Variants in FYTTD1 observed in about 807,000 individuals in gnomAD.
The protein encoded by FYTTD1 is UAP56-interacting factor.
A neutral mutation model predicts 40.9 loss-of-function variants in FYTTD1; 22 were observed. The observed-to-expected ratio is 0.54, with a 90% confidence interval of 0.38 to 0.77. The LOEUF is 0.77. FYTTD1 is among the 30% of genes least tolerant of loss of function. The probability of loss-of-function intolerance (pLI) is 0.00; values close to 1 mark genes in which losing one functional copy is unlikely to be tolerated. For synonymous variants in FYTTD1, 140 were observed against 137.9 expected, an observed-to-expected ratio of 1.01 and a Z score of -0.10; for missense variants, 351 against 392.2, an observed-to-expected ratio of 0.90 and a Z score of 0.89.
Position 197,761,382 on chromosome 3 carries a change from A to G in FYTTD1, c.235+4825A>G, listed in dbSNP as rs376821572. Among the ~76,000 whole-genome samples the G allele has an allele frequency of 1.3e-5, 2 of 151,828 alleles. 1 individual carries two copies. Among genetic ancestry groups the G allele is most frequent in the South Asian group, 4.2e-4 (2 of 4,816 alleles). On this transcript the variant is annotated intron_variant, in intron 2 of 8. Coordinates refer to ENST00000241502, the MANE Select transcript of FYTTD1 (RefSeq NM_032288.7). ...ATGTATAGAATTGTTCTTCAGTGGT[A>G]GAATGTATAGAATTGTTCTTCAGTG...
Position 197,768,507 on chromosome 3 carries a change from A to G in FYTTD1, c.304A>G (p.Ile102Val). The change falls in exon 3 of 9, where the codon ATC becomes GTC. Residue 102 changes from isoleucine (I) to valine (V), a missense_variant. Coordinates refer to ENST00000241502, the MANE Select transcript of FYTTD1 (RefSeq NM_032288.7). ...TGGAAAGAGACGTCCTAATGGAGTT[A>G]TCACTGGCCTTGCAGCTAGGAAAAC... ...MPGKRRPNGV[I>V]TGLAARKTTG... The G allele has an allele frequency of 6.2e-7, 1 of 1,613,402 alleles. No homozygotes were observed. Among genetic ancestry groups the G allele is most frequent in the Middle Eastern group, 1.7e-4 (1 of 6,060 alleles).
chr3:197,758,308 ATATT>A (rs1321120184), intron 2 of FYTTD1, among the ~76,000 whole-genome samples: 1 of 152,150 alleles, frequency 6.6e-6, no homozygotes, highest in Non-Finnish European at 1.5e-5. Flanking sequence ...AACCAGAAAT[ATATT>A]TATTAATTAA....
chr3:197,778,374 T>A lies in FYTTD1; in HGVS notation c.768T>A (p.Pro256=), dbSNP rs982690649. 1.9e-6 allele frequency: 3 copies of A among 1,612,070 alleles called. No individual in the cohort carries two copies. Among genetic ancestry groups the A allele is most frequent in the Non-Finnish European group, 8.5e-7 (1 of 1,178,422 alleles). ...QKPRLTRTAV[P]SFLTKREQSD... is the part of the protein sequence containing the mutation. ...CACGATTAACTCGTACTGCTGTACCTTCATTTTTAACAAAGCGGGAGCAAA... is the reference window on the plus strand; with the variant it reads ...CACGATTAACTCGTACTGCTGTACCATCATTTTTAACAAAGCGGGAGCAAA... Residue 256 remains proline (P), a synonymous_variant, in exon 8 of 9, where the codon CCT becomes CCA. Coordinates refer to ENST00000241502, the MANE Select transcript of FYTTD1 (RefSeq NM_032288.7).
At chr3:197,763,368 C>T (rs9818429) in intron 2 of FYTTD1, 439 of 286,614 alleles carry the variant, frequency 1.5e-3, no homozygotes, top group Non-Finnish European at 2.4e-3. Flanking sequence ...GAGCCGAGAT[C>T]GCACCATTGC....
At chr3:197,763,499 A>G in intron 2 of FYTTD1, 1 of 451,738 alleles carries the variant, frequency 2.2e-6, no homozygotes, top group South Asian at 1.6e-5. Context: ...ATTGTTAAGC[A>G]TATGAAGAGG....
rs1730049934 is a variant in FYTTD1, at chr3:197,782,299, G to GAGTA, written c.*391_*394dup. On this transcript the variant is annotated 3_prime_UTR_variant, in exon 9 of 9. Coordinates refer to ENST00000241502, the MANE Select transcript of FYTTD1 (RefSeq NM_032288.7). ...GGTAAATCCTGGTCTTCATAAACAT[G>GAGTA]AGTAGGTCCCTTGGTTGCTGTCACT... 1 of 154,000 alleles carries GAGTA rather than the reference G, an allele frequency of 6.5e-6. No homozygotes were observed. The highest frequency in any genetic ancestry group is 1.4e-5 in the Non-Finnish European group (1 of 69,318). The allele number at this position is 154,000 out of a possible 1,614,324, so 9.5% of individuals were successfully genotyped here.
intron 2 of FYTTD1, among the ~76,000 whole-genome samples, chr3:197,764,591 C>A (rs1413875092): frequency 6.6e-6 from 1 of 151,582 alleles, no homozygotes; most frequent in East Asian, 2.0e-4. Flanking sequence ...CGCCTGTAGT[C>A]CCAGCTACTC....
intron 3 of FYTTD1, among the ~76,000 whole-genome samples, chr3:197,769,518 A>G (rs770795050): frequency 3.0e-4 from 46 of 152,352 alleles, no homozygotes; most frequent in Admixed American, 6.5e-4. Flanking sequence ...GTCTTTATGG[A>G]CAATATGGAT....
chr3:197,770,260 T>C lies in FYTTD1; in HGVS notation c.497+16T>C. The C allele has an allele frequency of 6.9e-7, 1 of 1,443,104 alleles. No homozygotes were observed. Among genetic ancestry groups the C allele is most frequent in the Non-Finnish European group, 9.7e-7 (1 of 1,032,926 alleles). The allele number at this position is 1,443,104 out of a possible 1,614,324, so 89.4% of individuals were successfully genotyped here. On this transcript the variant is annotated intron_variant, in intron 4 of 8. Transcript: ENST00000241502. ...TAAGCAGAAAGTAAGTGCTCAAAAA[T>C]AATAATGTGTTATTTTGCATTAAAA...
intron 2 of FYTTD1, among the ~76,000 whole-genome samples, chr3:197,757,197 A>G (rs749353378): frequency 6.6e-6 from 1 of 152,236 alleles, no homozygotes; most frequent in Non-Finnish European, 1.5e-5. Context: ...AACTCTACAC[A>G]TTTAGTTATT....
intron 6 of FYTTD1, 54 bp downstream of exon 6, chr3:197,774,264 C>G (rs1729806619): frequency 1.4e-6 from 2 of 1,380,492 alleles, no homozygotes; most frequent in Non-Finnish European, 2.1e-6. Context: ...AGAATACTAA[C>G]TACCCAAATT....
chr3:197,774,091 T>C, intron 5 of FYTTD1, 58 bp from the exon 6 acceptor site: 3 of 1,434,788 alleles, frequency 2.1e-6, no homozygotes, highest in Non-Finnish European at 2.0e-6. Context: ...GCAGGATCGC[T>C]CTTTGGATTC....
intron 1 of FYTTD1, among the ~76,000 whole-genome samples, chr3:197,750,999 G>A (rs1729016762): frequency 6.6e-6 from 1 of 152,232 alleles, no homozygotes; most frequent in Non-Finnish European, 1.5e-5. Flanking sequence ...GGATTCAAGT[G>A]ATGGCGTTGG....
intron 4 of FYTTD1, among the ~76,000 whole-genome samples, chr3:197,771,214 T>C (rs1362339415): frequency 6.6e-6 from 1 of 152,006 alleles, no homozygotes; most frequent in Non-Finnish European, 1.5e-5. Context: ...AAAAGAAAAA[T>C]TATGATCTGT....
intron 1 of FYTTD1, among the ~76,000 whole-genome samples, chr3:197,755,321 A>G (rs1327574370): frequency 6.6e-6 from 1 of 152,178 alleles, no homozygotes; most frequent in Non-Finnish European, 1.5e-5. Flanking sequence ...TTACAGCACA[A>G]CCTGACACAT....
chr3:197,770,619 C>G (rs1297589948), intron 4 of FYTTD1, among the ~76,000 whole-genome samples: 2 of 152,098 alleles, frequency 1.3e-5, no homozygotes, highest in East Asian at 3.9e-4. Context: ...CATCACTGCT[C>G]CCTGGAGCCT....
rs778589693 is a variant in FYTTD1, at chr3:197,756,473, C to T, written c.151C>T (p.Pro51Ser). ...AAAGGAAGGGAAGAAGCAGAATTTTCCAAGACTAAATAGAAGACTCCTCCA... is the reference window on the plus strand; with the variant it reads ...AAAGGAAGGGAAGAAGCAGAATTTTTCAAGACTAAATAGAAGACTCCTCCA... ...NRKEGKKQNF[P>S]RLNRRLLQQS... is the part of the protein sequence containing the mutation. Residue 51 changes from proline (P) to serine (S), a missense_variant, in exon 2 of 9, where the codon CCA (proline) becomes TCA (serine). Physicochemically the swap from Pro to Ser is moderately conservative, Grantham distance 74. Transcript: ENST00000241502. 1 of 1,610,820 alleles carries T rather than the reference C, an allele frequency of 6.2e-7. No individual in the cohort carries two copies. The highest frequency in any genetic ancestry group is 8.5e-7 in the Non-Finnish European group (1 of 1,177,030).
At chr3:197,773,685 G>A (rs926369942) in intron 5 of FYTTD1, among the ~76,000 whole-genome samples, 186 bp downstream of exon 5, 5 of 152,162 alleles carry the variant, frequency 3.3e-5, no homozygotes, top group South Asian at 4.1e-4. Flanking sequence ...ACCCTCAATA[G>A]CAATGTCTTA....
chr3:197,774,309 AC>A, intron 6 of FYTTD1, 99 bp downstream of exon 6: 1 of 1,010,486 alleles, frequency 9.9e-7, no homozygotes, highest in Non-Finnish European at 1.5e-6. Flanking sequence ...ATTAATTGAA[AC>A]CCAAAATAAA....
Sources: allele counts gnomAD v4.1 joint callset (sites outside exome capture counted in the v4.1 genomes callset), GRCh38; gene constraint gnomAD v4.1.1; transcripts MANE v1.5; gene names NCBI Gene and HGNC (gene_info 2026-07-23, HGNC 2026-07-21).